RPS6KC1: variants seen among roughly 807,000 people sequenced by gnomAD.
The protein encoded by RPS6KC1 is inactive ribosomal protein S6 kinase delta-1.
A neutral mutation model predicts 103.8 loss-of-function variants in RPS6KC1; 54 were observed. The observed-to-expected ratio is 0.52, with a 90% CI of 0.42 to 0.65. The LOEUF (loss-of-function observed/expected upper bound fraction) is 0.65. RPS6KC1 is among the 30% of genes least tolerant of loss of function. The probability of loss-of-function intolerance (pLI) is 0.00; values close to 1 mark genes in which losing one functional copy is unlikely to be tolerated. For missense variants in RPS6KC1, 1,151 were observed against 1,253.8 expected, an observed-to-expected ratio of 0.92 and a Z score of 1.24; for synonymous variants, 439 against 438.7, an observed-to-expected ratio of 1.00 and a Z score of -0.01.
chr1:213,453,093 G>A, the RPS6KC1 span, among the ~76,000 whole-genome samples: 4 of 152,030 alleles, frequency 2.6e-5, no homozygotes, highest in Non-Finnish European at 4.4e-5. Context: ...ATTTCATCTC[G>A]TGGCCATTTC....
At chr1:213,728,206 C>T in the RPS6KC1 span, among the ~76,000 whole-genome samples, 131 of 152,078 alleles carry the variant, frequency 8.6e-4, 5 homozygotes, top group South Asian at 0.027. Flanking sequence ...GTGAAGAAGC[C>T]TTTCGCAGAG....
chr1:213,552,802 C>T, the RPS6KC1 span, among the ~76,000 whole-genome samples: 1 of 152,152 alleles, frequency 6.6e-6, no homozygotes. Flanking sequence ...TTGATCACTA[C>T]TCGGAGGAAA....
intron 8 of RPS6KC1, among the ~76,000 whole-genome samples, chr1:213,215,143 G>T (rs1366785276): frequency 6.6e-6 from 1 of 152,154 alleles, no homozygotes; most frequent in Non-Finnish European, 1.5e-5. Flanking sequence ...AAGATTAGAC[G>T]AATGGCTAAC....
At chr1:213,235,337 C>G (rs567211221) in intron 10 of RPS6KC1, among the ~76,000 whole-genome samples, 8 of 152,016 alleles carry the variant, frequency 5.3e-5, no homozygotes, top group Non-Finnish European at 7.4e-5. Context: ...CTGCATGGAG[C>G]TTACATTACA....
chr1:213,356,842 C>T, the RPS6KC1 span, among the ~76,000 whole-genome samples: 2 of 152,086 alleles, frequency 1.3e-5, no homozygotes, highest in African/African-American at 2.4e-5. Flanking sequence ...AGGAGCCTGC[C>T]TGGGGAAGAG....
intron 6 of RPS6KC1, among the ~76,000 whole-genome samples, chr1:213,145,385 G>T (rs2087623739): frequency 6.6e-6 from 1 of 152,206 alleles, no homozygotes; most frequent in African/African-American, 2.4e-5. Flanking sequence ...GAGCTTGCAG[G>T]ATACGATATT....
chr1:213,801,815 T>G, the RPS6KC1 span, among the ~76,000 whole-genome samples: 5 of 152,174 alleles, frequency 3.3e-5, no homozygotes, highest in East Asian at 5.8e-4. Flanking sequence ...TTGGTGGAAG[T>G]ATCACTACCA....
the RPS6KC1 span, among the ~76,000 whole-genome samples, chr1:213,801,467 T>C: frequency 5.3e-5 from 8 of 152,146 alleles, no homozygotes; most frequent in Non-Finnish European, 1.2e-4. Context: ...ATTAAACATA[T>C]GTAAATACAT....
At chr1:213,442,622 A>G in the RPS6KC1 span, among the ~76,000 whole-genome samples, 1 of 152,196 alleles carries the variant, frequency 6.6e-6, no homozygotes, top group Admixed American at 6.5e-5. Flanking sequence ...TACAATGTAC[A>G]TATGTGTTAA....
At chr1:213,436,039 G>A in the RPS6KC1 span, among the ~76,000 whole-genome samples, 1 of 152,168 alleles carries the variant, frequency 6.6e-6, no homozygotes, top group Non-Finnish European at 1.5e-5. Flanking sequence ...ATGTCTTTCA[G>A]GGGTCGCTAT....
At chr1:213,786,114 T>G in the RPS6KC1 span, among the ~76,000 whole-genome samples, 1 of 151,692 alleles carries the variant, frequency 6.6e-6, no homozygotes, top group Non-Finnish European at 1.5e-5. Flanking sequence ...GAGGGAAGAA[T>G]AGAAAGGAAA....
At chr1:213,772,598 C>T in the RPS6KC1 span, among the ~76,000 whole-genome samples, 1 of 150,074 alleles carries the variant, frequency 6.7e-6, no homozygotes, top group African/African-American at 2.5e-5. Context: ...CGCCCACCCC[C>T]CACCAGTGTC....
At chr1:213,125,529 A>G (rs1184393229) in intron 5 of RPS6KC1, among the ~76,000 whole-genome samples, 2 of 151,872 alleles carry the variant, frequency 1.3e-5, no homozygotes, top group Admixed American at 6.6e-5. Flanking sequence ...TTTGATATGC[A>G]TTGGCAAATT....
the RPS6KC1 span, among the ~76,000 whole-genome samples, chr1:213,615,532 G>A: frequency 6.6e-6 from 1 of 152,250 alleles, no homozygotes; most frequent in Non-Finnish European, 1.5e-5. Context: ...TTGTGGCTGA[G>A]GCTTTCTTTC....
the RPS6KC1 span, among the ~76,000 whole-genome samples, chr1:213,724,978 T>A: frequency 2.6e-5 from 4 of 152,312 alleles, no homozygotes; most frequent in African/African-American, 9.6e-5. Context: ...TAGCCACTCT[T>A]GGCACCACGC....
At chr1:213,624,012 C>A in the RPS6KC1 span, among the ~76,000 whole-genome samples, 2 of 152,128 alleles carry the variant, frequency 1.3e-5, no homozygotes, top group Admixed American at 6.5e-5. Flanking sequence ...TGTGGAGGGG[C>A]AACAGAATTG....
chr1:213,055,787 AT>A lies in RPS6KC1; in HGVS notation c.105+4279del, dbSNP rs2077286770. Reference sequence around the variant, plus strand: ...GTAGATGAATTTCAGAAGAATTGATATCTTAATAATATTGTCTCTGATCCAT... The same window carrying A: ...GTAGATGAATTTCAGAAGAATTGATACTTAATAATATTGTCTCTGATCCAT... On this transcript the variant is annotated intron_variant, in intron 1 of 14. Coordinates refer to ENST00000366960, the MANE Select transcript of RPS6KC1 (RefSeq NM_012424.6). 3.3e-5 allele frequency among the ~76,000 whole-genome samples: 5 copies of A among 152,232 alleles called. No individual in the cohort carries two copies. The South Asian group carries it at 8.3e-4, about 25-fold the overall frequency.
chr1:213,151,798 C>T (rs1430410115), intron 6 of RPS6KC1, among the ~76,000 whole-genome samples: 1 of 134,510 alleles, frequency 7.4e-6, no homozygotes, highest in African/African-American at 2.9e-5. Flanking sequence ...CCCCACCTCC[C>T]TCCCGGACGG....
intron 6 of RPS6KC1, among the ~76,000 whole-genome samples, chr1:213,163,289 T>G (rs79230367): frequency 0.011 from 1,729 of 152,312 alleles, 24 homozygotes; most frequent in African/African-American, 0.04. Flanking sequence ...TAAATCTGAA[T>G]GAAATCAAGC....
Sources: allele counts gnomAD v4.1 joint callset (sites outside exome capture counted in the v4.1 genomes callset), GRCh38; gene constraint gnomAD v4.1.1; transcripts MANE v1.5; gene names NCBI Gene and HGNC (gene_info 2026-07-23, HGNC 2026-07-21).